CDK14: variants seen among roughly 807,000 people sequenced by gnomAD.
CDK14 encodes cyclin-dependent kinase 14.
A neutral mutation model predicts 60.7 loss-of-function variants in CDK14; 34 were observed. That is an observed-to-expected ratio of 0.56 (90% CI 0.43 to 0.75). CDK14 has a LOEUF of 0.75. CDK14 is among the 30% of genes least tolerant of loss of function. The pLI is 0.00. For missense variants in CDK14, 482 were observed against 564.1 expected, an observed-to-expected ratio of 0.85 and a Z score of 1.47; for synonymous variants, 197 against 203.7, an observed-to-expected ratio of 0.97 and a Z score of 0.28.
intron 5 of CDK14, among the ~76,000 whole-genome samples, chr7:90,798,794 G>C (rs1048751943): frequency 1.3e-5 from 2 of 152,186 alleles, no homozygotes; most frequent in Non-Finnish European, 2.9e-5. Context: ...ATTAATTCAA[G>C]TTCAGGCGCT....
intron 11 of CDK14, among the ~76,000 whole-genome samples, chr7:91,056,008 T>G (rs1797541708): frequency 6.6e-6 from 1 of 152,218 alleles, no homozygotes; most frequent in African/African-American, 2.4e-5. Context: ...ATCTATGCAT[T>G]GTATAAAGTC....
intron 6 of CDK14, among the ~76,000 whole-genome samples, chr7:90,897,139 A>G (rs1792362409): frequency 6.6e-6 from 1 of 152,102 alleles, no homozygotes; most frequent in Admixed American, 6.5e-5. Context: ...TTAGGTGTGC[A>G]AATGTTGAAT....
rs1414654559 is a variant in CDK14 at position 91,079,445 on chromosome 7, G to T, written c.1119G>T (p.Leu373=). The T allele has an allele frequency of 2.5e-6, 4 of 1,599,396 alleles. No individual in the cohort carries two copies. Among genetic ancestry groups the T allele is most frequent in the South Asian group, 2.2e-5 (2 of 90,144 alleles). ...LPHFKPERFT[L]YSSKNLRQAW... ...TTTTTATTTCAGAACGCTTTACCCT[G>T]TACAGCTCTAAAAACCTTAGACAAG... Residue 373 remains leucine (L), a synonymous_variant, in exon 12 of 15, where the codon CTG becomes CTT. Coordinates refer to ENST00000380050, the MANE Select transcript of CDK14 (RefSeq NM_001287135.2).
At chr7:90,627,294 C>T (rs1323218350) in intron 2 of CDK14, among the ~76,000 whole-genome samples, 1 of 151,736 alleles carries the variant, frequency 6.6e-6, no homozygotes, top group Non-Finnish European at 1.5e-5. Flanking sequence ...ACTGTAGTGT[C>T]ACCCTCCCAA....
intron 14 of CDK14, among the ~76,000 whole-genome samples, chr7:91,193,184 A>T (rs1430275768): frequency 6.6e-6 from 1 of 152,198 alleles, no homozygotes; most frequent in Admixed American, 6.6e-5. Flanking sequence ...GATGGTGGAA[A>T]TGCTGCTTTA....
intron 12 of CDK14, among the ~76,000 whole-genome samples, chr7:91,091,064 G>A (rs1181885347): frequency 1.3e-5 from 2 of 151,516 alleles, no homozygotes; most frequent in African/African-American, 4.9e-5. Flanking sequence ...GCGTAGGTTT[G>A]TATCATCCTT....
At chr7:90,932,406 A>G (rs975178942) in intron 8 of CDK14, among the ~76,000 whole-genome samples, 8 of 152,230 alleles carry the variant, frequency 5.3e-5, no homozygotes, top group African/African-American at 1.9e-4. Flanking sequence ...TGTTAAAATT[A>G]GGAAAAATGT....
At chr7:90,769,655 C>T (rs1320786036) in intron 4 of CDK14, among the ~76,000 whole-genome samples, 1 of 151,920 alleles carries the variant, frequency 6.6e-6, no homozygotes, top group Non-Finnish European at 1.5e-5. Context: ...TTAGTAGAGA[C>T]GGGGTTTTGC....
chr7:90,794,015 G>A (rs1187814720), intron 5 of CDK14, among the ~76,000 whole-genome samples: 2 of 152,116 alleles, frequency 1.3e-5, no homozygotes, highest in East Asian at 3.8e-4. Flanking sequence ...GTGTCGGATG[G>A]TCTGAGAAAT....
intron 5 of CDK14, among the ~76,000 whole-genome samples, chr7:90,822,850 T>C (rs773188750): frequency 1.3e-5 from 2 of 152,224 alleles, no homozygotes; most frequent in Non-Finnish European, 2.9e-5. Flanking sequence ...AAAAGGCTTC[T>C]AGAATGCTAG....
At chr7:91,038,622 A>G (rs2115985013) in intron 10 of CDK14, among the ~76,000 whole-genome samples, 1 of 152,344 alleles carries the variant, frequency 6.6e-6, no homozygotes. Context: ...ATGGGCACAG[A>G]TGTCCAGGCT....
intron 10 of CDK14, among the ~76,000 whole-genome samples, chr7:91,015,529 T>G (rs1357132220): frequency 1.7e-4 from 23 of 132,092 alleles, no homozygotes; most frequent in East Asian, 6.1e-4. Flanking sequence ...GGGTTTTTTT[T>G]TTTTTTTTTT....
chr7:90,974,725 A>G (rs1252983422), intron 9 of CDK14, among the ~76,000 whole-genome samples: 1 of 149,768 alleles, frequency 6.7e-6, no homozygotes, highest in Non-Finnish European at 1.5e-5. Flanking sequence ...GAGAAAATTG[A>G]CTGAGTATAG....
At chr7:91,029,821 T>TA (rs1796708146) in intron 10 of CDK14, among the ~76,000 whole-genome samples, 1 of 150,356 alleles carries the variant, frequency 6.7e-6, no homozygotes, top group Non-Finnish European at 1.5e-5. Flanking sequence ...CAAAAAGTCT[T>TA]TAGAGTTTTC....
chr7:91,020,540 C>T (rs1023652581), intron 10 of CDK14, among the ~76,000 whole-genome samples: 8 of 152,118 alleles, frequency 5.3e-5, no homozygotes, highest in African/African-American at 1.2e-4. Flanking sequence ...AGTGAAAATG[C>T]GATAAGGAAA....
At chr7:91,200,681 T>TCTAC (rs1034054926) in intron 14 of CDK14, among the ~76,000 whole-genome samples, 1 of 152,326 alleles carries the variant, frequency 6.6e-6, no homozygotes, top group African/African-American at 2.4e-5. Flanking sequence ...CAGAAGGATA[T>TCTAC]CTACTCCAGT....
chr7:90,636,197 A>T (rs1800143400), intron 2 of CDK14, among the ~76,000 whole-genome samples: 1 of 152,008 alleles, frequency 6.6e-6, no homozygotes, highest in African/African-American at 2.4e-5. Context: ...GAGAGAGGGC[A>T]TCCCTGTCTT....
intron 6 of CDK14, among the ~76,000 whole-genome samples, chr7:90,871,531 C>T (rs1295335681): frequency 6.6e-6 from 1 of 152,118 alleles, no homozygotes; most frequent in Admixed American, 6.5e-5. Context: ...GGAAGGCTGG[C>T]TTTGGCTTAA....
At chr7:90,656,371 TTTTC>T (rs1800750602) in intron 2 of CDK14, among the ~76,000 whole-genome samples, 1 of 137,876 alleles carries the variant, frequency 7.3e-6, no homozygotes, top group Non-Finnish European at 1.5e-5. Context: ...GCTTCTCCTT[TTTTC>T]TTTCTTTCTT....
Sources: allele counts gnomAD v4.1 joint callset (sites outside exome capture counted in the v4.1 genomes callset), GRCh38; gene constraint gnomAD v4.1.1; transcripts MANE v1.5; gene names NCBI Gene and HGNC (gene_info 2026-07-23, HGNC 2026-07-21).